Variants in SLC4A10 observed in about 807,000 individuals in gnomAD.
The protein encoded by SLC4A10 is solute carrier family 4 member 10.
In SLC4A10, 42 loss-of-function variants were observed where a neutral mutation model predicts 137.7. The observed-to-expected ratio is 0.30, with a 90% confidence interval of 0.24 to 0.39. SLC4A10 has a LOEUF of 0.39. Among genes scored for constraint, SLC4A10 ranks in the 10% least tolerant of loss-of-function variants. The pLI is 1.00. For synonymous variants in SLC4A10, 474 were observed against 464.1 expected (o/e 1.02, Z -0.27); for missense variants, 925 against 1,355.0 (o/e 0.68, Z 4.98).
At chr2:161,918,104 T>A (rs975791956) in intron 15 of SLC4A10, among the ~76,000 whole-genome samples, 3 of 152,158 alleles carry the variant, frequency 2.0e-5, no homozygotes, top group African/African-American at 7.2e-5. Flanking sequence ...ACATTATTAT[T>A]TTACTTAGGT....
At chr2:161,978,366 A>C (rs1410386010) in intron 26 of SLC4A10, among the ~76,000 whole-genome samples, 2 of 144,098 alleles carry the variant, frequency 1.4e-5, no homozygotes, top group Non-Finnish European at 3.0e-5. Context: ...CAGCCTGGGC[A>C]ACAGAGAGAG....
chr2:161,648,783 A>G (rs1228024962), intron 1 of SLC4A10, among the ~76,000 whole-genome samples: 1 of 152,214 alleles, frequency 6.6e-6, no homozygotes, highest in African/African-American at 2.4e-5. Context: ...TTGGAGAGCT[A>G]TGCATGTGGG....
At chr2:161,796,930 T>G (rs1202220372) in intron 2 of SLC4A10, among the ~76,000 whole-genome samples, 1 of 152,148 alleles carries the variant, frequency 6.6e-6, no homozygotes, top group African/African-American at 2.4e-5. Flanking sequence ...TACATTTTTT[T>G]GTTCATCTCC....
intron 23 of SLC4A10, among the ~76,000 whole-genome samples, chr2:161,967,614 C>G (rs557098151): frequency 6.6e-6 from 1 of 152,160 alleles, no homozygotes; most frequent in Non-Finnish European, 1.5e-5. Flanking sequence ...CAGTCACTCT[C>G]TCACTCACCA....
intron 15 of SLC4A10, among the ~76,000 whole-genome samples, chr2:161,933,251 CTTCT>C (rs1044694716): frequency 3.9e-5 from 3 of 76,868 alleles, no homozygotes; most frequent in Non-Finnish European, 5.2e-5. Context: ...TTCTTTCTTT[CTTCT>C]TTCTTTCTCC....
At chr2:161,930,005 G>A (rs1266086347) in intron 15 of SLC4A10, among the ~76,000 whole-genome samples, 1 of 152,104 alleles carries the variant, frequency 6.6e-6, no homozygotes. Context: ...TAGTTTGTGA[G>A]TTACTTCTGT....
intron 1 of SLC4A10, among the ~76,000 whole-genome samples, chr2:161,728,057 A>G (rs778316635): frequency 1.3e-5 from 2 of 152,186 alleles, no homozygotes; most frequent in Non-Finnish European, 2.9e-5. Flanking sequence ...TACCAATATC[A>G]GGAATGAGAG....
chr2:161,689,718 A>T (rs565351539), intron 1 of SLC4A10, among the ~76,000 whole-genome samples: 1 of 152,298 alleles, frequency 6.6e-6, no homozygotes, highest in Non-Finnish European at 1.5e-5. Flanking sequence ...ATTTTCTATT[A>T]ATGCTTTTGG....
chr2:161,929,681 A>T (rs1470921232), intron 15 of SLC4A10, among the ~76,000 whole-genome samples: 2 of 152,142 alleles, frequency 1.3e-5, no homozygotes, highest in African/African-American at 4.8e-5. Flanking sequence ...AGCAGGTAGC[A>T]TTTGGGCCCT....
chr2:161,750,797 T>G (rs1029574591), intron 1 of SLC4A10, among the ~76,000 whole-genome samples: 3 of 151,774 alleles, frequency 2.0e-5, no homozygotes, highest in Non-Finnish European at 4.4e-5. Flanking sequence ...TCTATCTATT[T>G]TTGAAGGTGG....
At chr2:161,771,516 A>G (rs766778294) in intron 2 of SLC4A10, among the ~76,000 whole-genome samples, 9 of 151,906 alleles carry the variant, frequency 5.9e-5, no homozygotes, top group Non-Finnish European at 1.3e-4. Flanking sequence ...GGGAGGTAGT[A>G]TGGCCCGGTG....
At chr2:161,775,491 C>T (rs1167386759) in intron 2 of SLC4A10, among the ~76,000 whole-genome samples, 1 of 151,868 alleles carries the variant, frequency 6.6e-6, no homozygotes, top group Admixed American at 6.6e-5. Flanking sequence ...TATATTAACC[C>T]ATTGACCAGG....
At chr2:161,931,677 G>T (rs561523178) in intron 15 of SLC4A10, among the ~76,000 whole-genome samples, 1 of 152,040 alleles carries the variant, frequency 6.6e-6, no homozygotes, top group Admixed American at 6.6e-5. Flanking sequence ...ACTAATCCAC[G>T]CTTCAAATGA....
At position 161,905,714 on chromosome 2, in the gene SLC4A10, T is replaced by C. The variant is rs765855459; in HGVS notation, c.1824T>C (p.Leu608=). The C allele has an allele frequency of 1.2e-6, 2 of 1,613,912 alleles. No individual in the cohort carries two copies. The highest frequency in any genetic ancestry group is 2.2e-5 in the East Asian group (1 of 44,892). Residue 608 remains leucine, a synonymous_variant, in exon 15 of 27, where the codon CTT becomes CTC. Coordinates refer to ENST00000446997, the MANE Select transcript of SLC4A10 (RefSeq NM_001178015.2). The part of the protein sequence containing the change: ...GLWTATLCII[L]VATDASSLVC... ...GGACTGCAACTCTATGTATCATACT[T>C]GTGGCCACAGATGCTAGTTCCCTTG... is the stretch of plus-strand genomic sequence containing the variant.
intron 1 of SLC4A10, among the ~76,000 whole-genome samples, chr2:161,748,968 A>C (rs1419117351): frequency 6.6e-6 from 1 of 151,950 alleles, no homozygotes; most frequent in African/African-American, 2.4e-5. Flanking sequence ...AACATTTTAT[A>C]GTTTTCAGTG....
chr2:161,653,050 A>G (rs963853795), intron 1 of SLC4A10, among the ~76,000 whole-genome samples: 2 of 151,910 alleles, frequency 1.3e-5, no homozygotes, highest in Admixed American at 6.6e-5. Flanking sequence ...CCCTCCCTGC[A>G]TCCATGTTTT....
At chr2:161,915,063 A>C (rs977950655) in intron 15 of SLC4A10, among the ~76,000 whole-genome samples, 2 of 152,054 alleles carry the variant, frequency 1.3e-5, no homozygotes, top group African/African-American at 4.8e-5. Context: ...CCTAAGGCCC[A>C]CCCAACACCT....
At chr2:161,836,997 A>T (rs533392933) in intron 3 of SLC4A10, among the ~76,000 whole-genome samples, 1 of 152,336 alleles carries the variant, frequency 6.6e-6, no homozygotes, top group Admixed American at 6.5e-5. Flanking sequence ...TCTCAGACAA[A>T]GGGAAACTGA....
chr2:161,941,424 G>A (rs1692672415), intron 15 of SLC4A10, among the ~76,000 whole-genome samples: 1 of 152,144 alleles, frequency 6.6e-6, no homozygotes, highest in African/African-American at 2.4e-5. Flanking sequence ...ACCGGCTATT[G>A]GAGGAGCTAT....
Sources: gnomAD v4.1 joint callset for allele counts (sites outside exome capture counted in the v4.1 genomes callset) on GRCh38, gnomAD v4.1.1 for gene constraint, MANE v1.5 for transcripts, NCBI Gene and HGNC (gene_info 2026-07-23, HGNC 2026-07-21) for gene names.